Variants in EBF3 observed in about 807,000 individuals in gnomAD.
EBF3 encodes EBF transcription factor 3, also known as transcription factor COE3.
EBF3 carries 18 observed loss-of-function variants against 77.1 expected under a neutral mutation model. The ratio of observed to expected loss-of-function variants is 0.23; its 90% CI spans 0.16 to 0.35. The LOEUF (loss-of-function observed/expected upper bound fraction) is 0.35, where lower values mean the gene tolerates loss of function less well. Among genes scored for constraint, EBF3 ranks in the 10% least tolerant of loss-of-function variants. The pLI, the probability that EBF3 is intolerant of heterozygous loss-of-function variation, is 1.00. For synonymous variants in EBF3, 350 were observed against 343.5 expected (o/e 1.02, Z -0.21); for missense variants, 558 against 860.0 (o/e 0.65, Z 4.39).
chr10:129,909,412 G>A (rs1855362774), intron 6 of EBF3, among the ~76,000 whole-genome samples: 2 of 152,218 alleles, frequency 1.3e-5, no homozygotes, highest in South Asian at 2.1e-4. Context: ...CTGGCCTCCA[G>A]TTATGCTGCT....
In EBF3 at chr10:129,864,625, G is replaced by GT. The variant is rs1851867762; in HGVS notation, c.1039+2515dup. Among the ~76,000 whole-genome samples the GT allele has an allele frequency of 6.6e-6, 1 of 152,216 alleles. No individual in the cohort carries two copies. The highest frequency in any genetic ancestry group is 6.5e-5 in the Admixed American group (1 of 15,284). ...ATCCGGGATGGGCTGACAGTCCAGT[G>GT]TAAGAACAGGGGGCTTATTCATCCA... On this transcript the variant is annotated intron_variant, in intron 10 of 16. Coordinates refer to ENST00000440978, the MANE Select transcript of EBF3 (RefSeq NM_001375380.1). The surrounding 1 kb of genome is among the most constrained non-coding windows in gnomAD (Gnocchi z 4.4).
At chr10:129,872,216 A>G (rs937413387) in intron 8 of EBF3, among the ~76,000 whole-genome samples, 3 of 152,172 alleles carry the variant, frequency 2.0e-5, no homozygotes, top group Admixed American at 6.5e-5. Flanking sequence ...CGGGGATTCA[A>G]CCTTCTTAAT....
chr10:129,946,636 G>A (rs1050236713), intron 6 of EBF3, among the ~76,000 whole-genome samples: 1 of 152,134 alleles, frequency 6.6e-6, no homozygotes, highest in Non-Finnish European at 1.5e-5. Flanking sequence ...ATTGTTGTTG[G>A]CGTGCCACAC....
chr10:129,897,558 C>T lies in EBF3; in HGVS notation c.555-19709G>A, dbSNP rs1854481581. On this transcript the variant is annotated intron_variant, in intron 6 of 16. Coordinates refer to ENST00000440978, the MANE Select transcript of EBF3 (RefSeq NM_001375380.1). The surrounding 1 kb of genome is among the most constrained non-coding windows in gnomAD (Gnocchi z 4.6). ...CTTCCTGGGAAAATACAGAGGAAAC[C>T]CAGCACACGACCCTTTTATCCGAGA... is the stretch of plus-strand genomic sequence containing the variant. Among the ~76,000 whole-genome samples the T allele has an allele frequency of 6.6e-6, 1 of 152,074 alleles. No individual in the cohort carries two copies. Among genetic ancestry groups the T allele is most frequent in the Non-Finnish European group, 1.5e-5 (1 of 68,012 alleles).
chr10:129,896,261 G>A (rs964435867), intron 6 of EBF3, among the ~76,000 whole-genome samples: 27 of 152,240 alleles, frequency 1.8e-4, no homozygotes, highest in African/African-American at 6.3e-4. Flanking sequence ...CCGGCTGCCG[G>A]ATGTCAGGTG....
chr10:129,887,219 A>G (rs369025417), intron 6 of EBF3, among the ~76,000 whole-genome samples: 4 of 152,108 alleles, frequency 2.6e-5, no homozygotes, highest in African/African-American at 9.7e-5. Flanking sequence ...TTTGCACGTC[A>G]CCTTTCATTT....
chr10:129,923,880 G>T (rs1472035730), intron 6 of EBF3, among the ~76,000 whole-genome samples: 2 of 152,164 alleles, frequency 1.3e-5, no homozygotes, highest in African/African-American at 4.8e-5. Flanking sequence ...TAAACTACTT[G>T]CAAACCAAGT....
intron 6 of EBF3, among the ~76,000 whole-genome samples, chr10:129,917,470 A>G (rs1047299475): frequency 2.6e-5 from 4 of 152,108 alleles, no homozygotes; most frequent in African/African-American, 9.7e-5. Flanking sequence ...AAACCCCACT[A>G]GGAAAATAAA....
chr10:129,854,025 ATG>A lies in EBF3; in HGVS notation c.1040-5547_1040-5546del, dbSNP rs1237650075. Among the ~76,000 whole-genome samples, 5 of 152,352 alleles carry A rather than the reference ATG, an allele frequency of 3.3e-5. No individual in the cohort carries two copies. The East Asian group carries it at 9.6e-4, about 29-fold the overall frequency. On this transcript the variant is annotated intron_variant, in intron 10 of 16. Coordinates refer to ENST00000440978, the MANE Select transcript of EBF3 (RefSeq NM_001375380.1). ...GACTGTATAAAAAGTTGCATTAAAA[ATG>A]TGTGGCCACGGAAGACAAAATTGAT...
intron 6 of EBF3, among the ~76,000 whole-genome samples, chr10:129,953,056 G>GA (rs1554933597): frequency 5.4e-5 from 8 of 149,444 alleles, no homozygotes; most frequent in Admixed American, 1.3e-4. Flanking sequence ...AGAAGAAGAA[G>GA]AAGAAAGAAA....
At chr10:129,953,670 C>T (rs953361583) in intron 6 of EBF3, among the ~76,000 whole-genome samples, 2 of 152,244 alleles carry the variant, frequency 1.3e-5, no homozygotes, top group Non-Finnish European at 2.9e-5. Context: ...CCCGGCCTGC[C>T]TGGGCAGCCA....
rs1057519520 is a variant in EBF3 at position 129,877,825 on chromosome 10, C to T, written c.579G>A (p.Lys193=). Residue 193 remains lysine (K), a synonymous_variant, in exon 7 of 17, where the codon AAG becomes AAA. Coordinates refer to ENST00000440978, the MANE Select transcript of EBF3 (RefSeq NM_001375380.1). ...CATTCTTCAAACAGTTCTGATTGCA[C>T]TTGAGGAAAAACTTTAGAAAGAATC... ...IDRFFLKFFL[K]CNQNCLKNAG... is the part of the protein sequence containing the mutation. The T allele has an allele frequency of 1.9e-6, 3 of 1,613,118 alleles. No homozygotes were observed. The highest frequency in any genetic ancestry group is 1.7e-6 in the Non-Finnish European group (2 of 1,179,678).
At position 129,952,846 on chromosome 10, in the gene EBF3, G is replaced by A. The variant is rs748831262; in HGVS notation, c.554+4412C>T. On this transcript the variant is annotated intron_variant, in intron 6 of 16. Coordinates refer to ENST00000440978, the MANE Select transcript of EBF3 (RefSeq NM_001375380.1). The surrounding 1 kb of genome is among the most constrained non-coding windows in gnomAD (Gnocchi z 4.7). The stretch of plus-strand genomic sequence containing the variant: ...AATCGGCATTAGGCCCAAATTACAC[G>A]ATATTAATACTTGAACAGGTGCAGA... Among the ~76,000 whole-genome samples, 1 of 152,026 alleles carries A rather than the reference G, an allele frequency of 6.6e-6. No individual in the cohort carries two copies. The highest frequency in any genetic ancestry group is 2.4e-5 in the African/African-American group (1 of 41,400).
intron 4 of EBF3, among the ~76,000 whole-genome samples, chr10:129,960,477 G>T (rs1859419011): frequency 6.6e-6 from 1 of 152,242 alleles, no homozygotes; most frequent in Non-Finnish European, 1.5e-5. Flanking sequence ...GGCCGCGGCG[G>T]GCACCAGCGC....
intron 11 of EBF3, among the ~76,000 whole-genome samples, chr10:129,846,445 T>C (rs1850471529): frequency 6.6e-6 from 1 of 151,984 alleles, no homozygotes; most frequent in Non-Finnish European, 1.5e-5. Context: ...GGCAAAGCCT[T>C]ATTGAGACAC....
chr10:129,959,603 C>T (rs1859331118), intron 4 of EBF3, among the ~76,000 whole-genome samples: 1 of 151,736 alleles, frequency 6.6e-6, no homozygotes, highest in African/African-American at 2.4e-5. Context: ...CTTCCCGCGG[C>T]TTCCCGCGTT....
At chr10:129,939,183 G>A (rs919719747) in intron 6 of EBF3, among the ~76,000 whole-genome samples, 7 of 152,194 alleles carry the variant, frequency 4.6e-5, no homozygotes, top group Admixed American at 2.6e-4. Context: ...CAGAGCAGTG[G>A]CAGCCAAACT....
chr10:129,950,911 C>T (rs1249822131), intron 6 of EBF3, among the ~76,000 whole-genome samples: 1 of 152,230 alleles, frequency 6.6e-6, no homozygotes, highest in East Asian at 1.9e-4. Flanking sequence ...GTTTTCACTT[C>T]CTGTACCCCC....
intron 6 of EBF3, among the ~76,000 whole-genome samples, chr10:129,917,955 C>G (rs560231898): frequency 6.6e-6 from 1 of 152,266 alleles, no homozygotes; most frequent in South Asian, 2.1e-4. Flanking sequence ...ACCAGAGGAC[C>G]CAGAATGGGG....
Sources: gnomAD v4.1 joint callset for allele counts (sites outside exome capture counted in the v4.1 genomes callset) on GRCh38, gnomAD v4.1.1 for gene constraint, Gnocchi (gnomAD v3.1) non-coding constraint, MANE v1.5 for transcripts, NCBI Gene and HGNC (gene_info 2026-07-23, HGNC 2026-07-21) for gene names.